The following LAMA1 variants were observed in gnomAD, a reference collection of about 807,000 sequenced individuals.
LAMA1 encodes the protein laminin subunit alpha-1.
Under a neutral mutation model 348.7 loss-of-function variants are expected in LAMA1, and 219 were observed. The observed-to-expected ratio is 0.63, with a 90% CI of 0.56 to 0.70. The LOEUF (loss-of-function observed/expected upper bound fraction) is 0.70. Ranked by LOEUF, LAMA1 falls within the 30% of genes least tolerant of loss-of-function variation. LAMA1 has a pLI of 0.00. For missense variants in LAMA1, 3,744 were observed against 3,888.0 expected (o/e 0.96, Z 0.99); for synonymous variants, 1,487 against 1,491.0 (o/e 1.00, Z 0.06).
Position 7,080,576 on chromosome 18 carries a change from A to C in LAMA1, c.62-119T>G, listed in dbSNP as rs1234906822. On this transcript the variant is annotated intron_variant, in intron 1 of 62. Coordinates refer to ENST00000389658, the MANE Select transcript of LAMA1 (RefSeq NM_005559.4). Reference sequence around the variant, plus strand: ...TGAAAGTCTATGTGCTGAATGAAGGAATCCTTACACAAACACCGTATACGC... The same window carrying C: ...TGAAAGTCTATGTGCTGAATGAAGGCATCCTTACACAAACACCGTATACGC... 4 of 1,054,580 alleles carry C rather than the reference A, an allele frequency of 3.8e-6. No homozygotes were observed. The African/African-American group carries it at 4.7e-5, about 12-fold the overall frequency. 65.3% of individuals were successfully genotyped at this position (1,054,580 alleles called of 1,614,324 possible). A position where few individuals can be genotyped will look rare whatever the true frequency, so the allele number is the denominator to read the frequency against.
chr18:7,101,493 G>A (rs567958014), intron 1 of LAMA1, among the ~76,000 whole-genome samples: 1 of 152,288 alleles, frequency 6.6e-6, no homozygotes, highest in Non-Finnish European at 1.5e-5. Context: ...CTTGTTATGA[G>A]TCTGCTTGCT....
intron 6 of LAMA1, among the ~76,000 whole-genome samples, chr18:7,045,096 A>G (rs1331593166): frequency 6.6e-6 from 1 of 152,338 alleles, no homozygotes; most frequent in African/African-American, 2.4e-5. Flanking sequence ...TTAAAAATAT[A>G]CATGGAACTT....
At chr18:6,965,632 T>C in intron 49 of LAMA1, 200 bp from the exon 50 acceptor site, 1 of 594,032 alleles carries the variant, frequency 1.7e-6, no homozygotes. Flanking sequence ...AAATGAAATG[T>C]CATCTGTTGT....
chr18:7,091,019 G>T (rs186615925), intron 1 of LAMA1, among the ~76,000 whole-genome samples: 1 of 152,286 alleles, frequency 6.6e-6, no homozygotes, highest in African/African-American at 2.4e-5. Flanking sequence ...AATATTTTCT[G>T]CAGAAAAACA....
At chr18:7,026,136 A>G in intron 16 of LAMA1, 30 bp from the exon 17 acceptor site, 1 of 1,606,204 alleles carries the variant, frequency 6.2e-7, no homozygotes, top group Non-Finnish European at 8.5e-7. Flanking sequence ...GAATCAGCTC[A>G]GGTTGTCTTA....
intron 29 of LAMA1, among the ~76,000 whole-genome samples, chr18:7,005,068 A>G (rs1428368393): frequency 6.6e-6 from 1 of 152,162 alleles, no homozygotes; most frequent in Non-Finnish European, 1.5e-5. Context: ...GATACCGAAG[A>G]CAGACAGTGA....
chr18:7,070,695 A>G (rs557060271), intron 3 of LAMA1, among the ~76,000 whole-genome samples: 1 of 152,248 alleles, frequency 6.6e-6, no homozygotes, highest in African/African-American at 2.4e-5. Context: ...TTAAACCTAC[A>G]CATAAAATAA....
intron 3 of LAMA1, among the ~76,000 whole-genome samples, chr18:7,059,766 G>A (rs1019797644): frequency 6.6e-6 from 1 of 152,160 alleles, no homozygotes; most frequent in South Asian, 2.1e-4. Context: ...CTCCACGGTG[G>A]TAACTGAACA....
chr18:6,968,616 G>A (rs921771716), intron 48 of LAMA1, among the ~76,000 whole-genome samples: 7 of 152,148 alleles, frequency 4.6e-5, no homozygotes, highest in Non-Finnish European at 1.0e-4. Context: ...AATAATACAA[G>A]GATTATGCCT....
chr18:6,967,723 C>T (rs2057639897), intron 48 of LAMA1, among the ~76,000 whole-genome samples: 1 of 152,082 alleles, frequency 6.6e-6, no homozygotes, highest in Non-Finnish European at 1.5e-5. Context: ...CAAGAAATCA[C>T]AAAGCCAGGT....
chr18:7,085,608 T>C (rs7235921), intron 1 of LAMA1, among the ~76,000 whole-genome samples: 46,066 of 151,480 alleles, frequency 0.3, 7,221 homozygotes, highest in East Asian at 0.45. Context: ...TTAGTAGAGA[T>C]GGGGTTTCAC....
intron 61 of LAMA1, among the ~76,000 whole-genome samples, chr18:6,943,830 C>T (rs867399812): frequency 1.0e-4 from 12 of 116,266 alleles, no homozygotes; most frequent in South Asian, 3.0e-4. Flanking sequence ...GCAACAAGAG[C>T]GAAACTCCAT....
chr18:7,056,352 A>G (rs928829483), intron 3 of LAMA1, among the ~76,000 whole-genome samples: 1 of 152,232 alleles, frequency 6.6e-6, no homozygotes, highest in African/African-American at 2.4e-5. Flanking sequence ...TCTGAAACAG[A>G]ATGTAATTAC....
chr18:6,958,416 G>GAT, intron 55 of LAMA1, 61 bp downstream of exon 55: 1 of 1,544,998 alleles, frequency 6.5e-7, no homozygotes, highest in African/African-American at 1.4e-5. Flanking sequence ...TCAGATTAGT[G>GAT]TTAGCACTCA....
chr18:6,945,744 A>G (rs1170649326), intron 61 of LAMA1, among the ~76,000 whole-genome samples: 1 of 152,126 alleles, frequency 6.6e-6, no homozygotes, highest in Non-Finnish European at 1.5e-5. Context: ...CAGGATGAGA[A>G]GCCTGAGCTG....
At chr18:7,031,138 T>TA (rs762150904) in intron 16 of LAMA1, among the ~76,000 whole-genome samples, 1 of 152,150 alleles carries the variant, frequency 6.6e-6, no homozygotes, top group African/African-American at 2.4e-5. Flanking sequence ...CTGGGTCTGG[T>TA]AATTAATTTT....
intron 16 of LAMA1, among the ~76,000 whole-genome samples, chr18:7,027,815 C>T (rs1382044425): frequency 6.6e-6 from 1 of 151,998 alleles, no homozygotes; most frequent in Admixed American, 6.5e-5. Flanking sequence ...TGGTGGTGTG[C>T]ACCTGTAATC....
At chr18:7,044,876 G>A in intron 6 of LAMA1, 37 bp from the exon 7 acceptor site, 1 of 1,413,332 alleles carries the variant, frequency 7.1e-7, no homozygotes, top group East Asian at 2.3e-5. Flanking sequence ...ATTAGAAAAT[G>A]TATCTGCTTA....
At chr18:6,994,378 GTTGT>G (rs1350831961) in intron 34 of LAMA1, among the ~76,000 whole-genome samples, 1 of 152,192 alleles carries the variant, frequency 6.6e-6, no homozygotes, top group Non-Finnish European at 1.5e-5. Context: ...TAAAGGAAAG[GTTGT>G]TTGTAATTTC....
Sources: allele counts gnomAD v4.1 joint callset (sites outside exome capture counted in the v4.1 genomes callset), GRCh38; gene constraint gnomAD v4.1.1; transcripts MANE v1.5; gene names NCBI Gene and HGNC (gene_info 2026-07-23, HGNC 2026-07-21).